SLC17A6: variants seen among roughly 807,000 people sequenced by gnomAD.
SLC17A6 encodes vesicular glutamate transporter 2.
SLC17A6 carries 35 observed loss-of-function variants against 67.1 expected under a neutral mutation model. That is an observed-to-expected ratio of 0.52 (90% CI 0.40 to 0.69). SLC17A6 has a LOEUF of 0.69. Ranked by LOEUF, SLC17A6 falls within the 30% of genes least tolerant of loss-of-function variation. The probability of loss-of-function intolerance (pLI) is 0.00; values close to 1 mark genes in which losing one functional copy is unlikely to be tolerated. For missense variants in SLC17A6, 588 were observed against 723.9 expected (o/e 0.81, Z 2.15); for synonymous variants, 285 against 252.3 (o/e 1.13, Z -1.23).
intron 7 of SLC17A6, 26 bp from the exon 8 acceptor site, chr11:22,370,013 T>A: frequency 6.2e-7 from 1 of 1,600,306 alleles, no homozygotes; most frequent in Non-Finnish European, 8.5e-7. Context: ...AAAATGGTCA[T>A]AATGTCTCTC....
chr11:22,377,294 T>C (rs562647051), intron 11 of SLC17A6, 111 bp from the exon 12 acceptor site: 10 of 922,214 alleles, frequency 1.1e-5, no homozygotes, highest in Admixed American at 5.4e-5. Context: ...ATATGGATTT[T>C]TCCCAAATAT....
chr11:22,339,188 T>C lies in SLC17A6; in HGVS notation c.86+569T>C, dbSNP rs541749189. Among the ~76,000 whole-genome samples the C allele has an allele frequency of 2.8e-3, 279 of 98,656 alleles. 25 individuals are homozygous for C. Among genetic ancestry groups the C allele is most frequent in the South Asian group, 5.7e-3 (17 of 2,980 alleles). The allele number at this position is 98,656 out of a possible 152,430, so 64.7% of individuals were successfully genotyped here. On this transcript the variant is annotated intron_variant, in intron 1 of 11. Transcript: ENST00000263160. ...ATGTTATATATATATGTTTTATATATATATATATATATATATGTTAGAGAG... is the reference window on the plus strand; with the variant it reads ...ATGTTATATATATATGTTTTATATACATATATATATATATATGTTAGAGAG...
intron 8 of SLC17A6, among the ~76,000 whole-genome samples, chr11:22,371,891 G>C (rs1464484181): frequency 6.6e-6 from 1 of 151,964 alleles, no homozygotes; most frequent in Non-Finnish European, 1.5e-5. Flanking sequence ...GGAGAACATA[G>C]GGAATTTGCT....
At chr11:22,366,520 A>C (rs970720607) in intron 7 of SLC17A6, among the ~76,000 whole-genome samples, 1 of 152,170 alleles carries the variant, frequency 6.6e-6, no homozygotes, top group African/African-American at 2.4e-5. Context: ...TATTACTATG[A>C]ATATCAAGCA....
chr11:22,338,460 A>G lies in SLC17A6; in HGVS notation c.-74A>G. 1 of 1,086,938 alleles carries G rather than the reference A, an allele frequency of 9.2e-7. No individual in the cohort carries two copies. Among genetic ancestry groups the G allele is most frequent in the East Asian group, 2.4e-5 (1 of 42,390 alleles). 67.3% of individuals were successfully genotyped at this position (1,086,938 alleles called of 1,614,324 possible). On this transcript the variant is annotated 5_prime_UTR_variant, in exon 1 of 12. Coordinates refer to ENST00000263160, the MANE Select transcript of SLC17A6 (RefSeq NM_020346.3). Reference sequence around the variant, plus strand: ...CGCAACTACTTTAAGAGATTAAGACAATATGCGCAATCCTCGCCTTTCCTA... The same window carrying G: ...CGCAACTACTTTAAGAGATTAAGACGATATGCGCAATCCTCGCCTTTCCTA...
At chr11:22,340,034 T>C (rs1433484594) in intron 1 of SLC17A6, among the ~76,000 whole-genome samples, 1 of 152,236 alleles carries the variant, frequency 6.6e-6, no homozygotes, top group Non-Finnish European at 1.5e-5. Flanking sequence ...TATGACTTAT[T>C]CTCCAGGTGC....
chr11:22,342,775 C>T (rs1447512), intron 2 of SLC17A6, among the ~76,000 whole-genome samples: 3,040 of 152,316 alleles, frequency 0.02, 82 homozygotes, highest in African/African-American at 0.059. Flanking sequence ...AAAAGCCCTG[C>T]ACCTTTCACC....
At chr11:22,361,650 A>G (rs1229892484) in intron 5 of SLC17A6, among the ~76,000 whole-genome samples, 1 of 152,204 alleles carries the variant, frequency 6.6e-6, no homozygotes, top group Non-Finnish European at 1.5e-5. Flanking sequence ...AGAATTAATG[A>G]ACATGTATTA....
At chr11:22,376,457 T>A in intron 10 of SLC17A6, 88 bp from the exon 11 acceptor site, 1 of 1,436,840 alleles carries the variant, frequency 7.0e-7, no homozygotes, top group Non-Finnish European at 9.7e-7. Context: ...CCCAGTATAT[T>A]TTAAGGAGTT....
At chr11:22,363,486 A>G (rs540992931) in intron 6 of SLC17A6, among the ~76,000 whole-genome samples, 2 of 152,224 alleles carry the variant, frequency 1.3e-5, no homozygotes, top group Non-Finnish European at 2.9e-5. Flanking sequence ...AAGGAAAAAT[A>G]AAGGAAAGCT....
intron 11 of SLC17A6, 49 bp downstream of exon 11, chr11:22,376,721 A>C: frequency 6.2e-7 from 1 of 1,600,552 alleles, no homozygotes; most frequent in Non-Finnish European, 8.6e-7. Context: ...GTTTCTCAAA[A>C]TGATAATCTT....
chr11:22,376,143 C>A, intron 10 of SLC17A6, 51 bp downstream of exon 10: 1 of 1,270,350 alleles, frequency 7.9e-7, no homozygotes, highest in Non-Finnish European at 1.1e-6. Context: ...ATTTTGACTG[C>A]TGATAAAAGA....
chr11:22,346,936 G>T (rs1425344321), intron 3 of SLC17A6, among the ~76,000 whole-genome samples: 1 of 151,092 alleles, frequency 6.6e-6, no homozygotes, highest in African/African-American at 2.4e-5. Flanking sequence ...TATGTTTAAT[G>T]TATAGCACTG....
chr11:22,375,353 C>T (rs1307694639), intron 9 of SLC17A6, among the ~76,000 whole-genome samples: 1 of 151,566 alleles, frequency 6.6e-6, no homozygotes, highest in Admixed American at 6.6e-5. Flanking sequence ...GCCTGGGTGA[C>T]AAGAGTGAAA....
chr11:22,362,668 G>C, intron 5 of SLC17A6, 71 bp from the exon 6 acceptor site: 1 of 1,279,226 alleles, frequency 7.8e-7, no homozygotes, highest in Admixed American at 1.7e-5. Context: ...AATCAACAAA[G>C]GAATGTGAGA....
chr11:22,362,631 G>A, intron 5 of SLC17A6, 108 bp from the exon 6 acceptor site: 1 of 855,412 alleles, frequency 1.2e-6, no homozygotes, highest in South Asian at 1.4e-5. Context: ...TGAGGCCCAT[G>A]TACCTGAGTG....
chr11:22,348,304 A>G (rs1855900980), intron 3 of SLC17A6, among the ~76,000 whole-genome samples: 1 of 152,186 alleles, frequency 6.6e-6, no homozygotes, highest in South Asian at 2.1e-4. Context: ...CCCCAAATCC[A>G]GGGAAGAATT....
intron 2 of SLC17A6, 30 bp downstream of exon 2, chr11:22,341,810 G>A: frequency 6.2e-7 from 1 of 1,609,476 alleles, no homozygotes; most frequent in Non-Finnish European, 8.5e-7. Context: ...CCTGGCTCCT[G>A]CCCTTCGGCC....
At chr11:22,342,480 T>A (rs1460735640) in intron 2 of SLC17A6, among the ~76,000 whole-genome samples, 1 of 152,124 alleles carries the variant, frequency 6.6e-6, no homozygotes, top group Admixed American at 6.5e-5. Context: ...AAAATATTAT[T>A]TAAAGGGGAA....
Sources: allele counts gnomAD v4.1 joint callset (sites outside exome capture counted in the v4.1 genomes callset), GRCh38; gene constraint gnomAD v4.1.1; transcripts MANE v1.5; gene names NCBI Gene and HGNC (gene_info 2026-07-23, HGNC 2026-07-21).